The following PRKN variants were observed in gnomAD, a reference collection of about 807,000 sequenced individuals.
The protein encoded by PRKN is parkin RBR E3 ubiquitin protein ligase, also known as E3 ubiquitin-protein ligase parkin.
PRKN carries 56 observed loss-of-function variants against 59.5 expected under a neutral mutation model. That is an observed-to-expected ratio of 0.94 (90% CI 0.76 to 1.18). The LOEUF is 1.18. Among genes scored for constraint, PRKN ranks in the 50% most tolerant of loss-of-function variants. The probability of loss-of-function intolerance (pLI) is 0.00; values close to 1 mark genes in which losing one functional copy is unlikely to be tolerated. For missense variants in PRKN, 657 were observed against 596.4 expected (o/e 1.10, Z -1.06); for synonymous variants, 250 against 222.1 (o/e 1.13, Z -1.12).
chr6:162,283,576 C>G (rs1156482321), intron 2 of PRKN, among the ~76,000 whole-genome samples: 1 of 152,200 alleles, frequency 6.6e-6, no homozygotes, highest in Non-Finnish European at 1.5e-5. Flanking sequence ...GGCTGGAGTG[C>G]AGTAGCACGA....
chr6:161,622,999 T>A (rs1165674914), intron 7 of PRKN, among the ~76,000 whole-genome samples: 1 of 152,242 alleles, frequency 6.6e-6, no homozygotes, highest in Non-Finnish European at 1.5e-5. Flanking sequence ...TCTTTTCTTT[T>A]CCGCTTTTTC....
At position 161,547,641 on chromosome 6, in the gene PRKN, A is replaced by G. The variant is rs1353377918; in HGVS notation, c.1083+1213T>C. 6.6e-6 allele frequency among the ~76,000 whole-genome samples: 1 copy of G among 152,244 alleles called. No individual in the cohort carries two copies. Among genetic ancestry groups the G allele is most frequent in the Admixed American group, 6.5e-5 (1 of 15,290 alleles). On this transcript the variant is annotated intron_variant, in intron 9 of 11. Transcript: ENST00000366898. This position sits in a 1 kb window ranked among gnomAD's most constrained non-coding sequence, Gnocchi z 4.0. ...CAATTCATTAAAAGCTCATTTTAAA[A>G]GACAACATTTGCTAGCATTCTGATC...
At chr6:161,426,644 T>TACACACACACACACACACACACAC (rs546537464) in intron 9 of PRKN, among the ~76,000 whole-genome samples, 8 of 31,026 alleles carry the variant, frequency 2.6e-4, no homozygotes, top group African/African-American at 5.0e-4. Flanking sequence ...AACTCCCCTT[T>TACACACACACACACACACACACAC]ACACACACAC....
intron 7 of PRKN, among the ~76,000 whole-genome samples, chr6:161,601,983 A>G (rs988811893): frequency 1.3e-5 from 2 of 152,222 alleles, no homozygotes; most frequent in African/African-American, 4.8e-5. Context: ...GTATTTAAAT[A>G]TCAAAAGAAG....
At chr6:162,324,229 G>A (rs189263539) in intron 2 of PRKN, among the ~76,000 whole-genome samples, 2 of 152,216 alleles carry the variant, frequency 1.3e-5, no homozygotes, top group East Asian at 3.9e-4. Flanking sequence ...TATAGACAAT[G>A]CAAACTAATC....
At chr6:162,260,802 ATTTT>A (rs1217688250) in intron 3 of PRKN, among the ~76,000 whole-genome samples, 1 of 152,136 alleles carries the variant, frequency 6.6e-6, no homozygotes, top group Non-Finnish European at 1.5e-5. Flanking sequence ...AAACAATGTG[ATTTT>A]TTTATTTTTA....
intron 1 of PRKN, among the ~76,000 whole-genome samples, chr6:162,472,369 G>A (rs1791791340): frequency 8.0e-6 from 1 of 124,518 alleles, no homozygotes; most frequent in Non-Finnish European, 1.6e-5. Context: ...CCCACCCCAA[G>A]ACAGGTGTGA....
chr6:161,768,581 G>C (rs1789529000), intron 7 of PRKN, among the ~76,000 whole-genome samples: 1 of 152,062 alleles, frequency 6.6e-6, no homozygotes, highest in African/African-American at 2.4e-5. Context: ...ATTTAAAGGA[G>C]GATATAAAAA....
chr6:161,505,487 C>A (rs1778131482), intron 9 of PRKN, among the ~76,000 whole-genome samples: 1 of 151,842 alleles, frequency 6.6e-6, no homozygotes, highest in Non-Finnish European at 1.5e-5. Flanking sequence ...CCTGTTCACT[C>A]TGATGGTAGT....
intron 4 of PRKN, among the ~76,000 whole-genome samples, chr6:162,100,796 T>C (rs1779937067): frequency 6.6e-6 from 1 of 152,142 alleles, no homozygotes. Context: ...AATATCTCAT[T>C]GTGGTTTTAA....
At chr6:161,658,813 G>C (rs1400542121) in intron 7 of PRKN, among the ~76,000 whole-genome samples, 6 of 152,230 alleles carry the variant, frequency 3.9e-5, no homozygotes, top group African/African-American at 4.8e-5. Flanking sequence ...GCAAGGAGCT[G>C]TTATTACAAT....
chr6:162,187,843 G>A (rs750994614), intron 4 of PRKN, among the ~76,000 whole-genome samples: 2 of 152,128 alleles, frequency 1.3e-5, no homozygotes, highest in African/African-American at 4.8e-5. Flanking sequence ...CAGATACAGC[G>A]TGATGGGTTG....
At chr6:162,097,701 A>T (rs1779802398) in intron 4 of PRKN, among the ~76,000 whole-genome samples, 1 of 152,206 alleles carries the variant, frequency 6.6e-6, no homozygotes, top group Non-Finnish European at 1.5e-5. Flanking sequence ...CCCCCAAAGC[A>T]TCTTGTTTAT....
At chr6:162,044,199 C>T (rs1284282342) in intron 5 of PRKN, among the ~76,000 whole-genome samples, 1 of 152,244 alleles carries the variant, frequency 6.6e-6, no homozygotes, top group Non-Finnish European at 1.5e-5. Flanking sequence ...CACAACCATA[C>T]TACAGACTTC....
At chr6:162,723,770 AAC>A (rs2128241194) in intron 1 of PRKN, among the ~76,000 whole-genome samples, 1 of 152,368 alleles carries the variant, frequency 6.6e-6, no homozygotes, top group African/African-American at 2.4e-5. Flanking sequence ...CACTTCTGAC[AAC>A]AGTTGTCTGT....
intron 1 of PRKN, among the ~76,000 whole-genome samples, chr6:162,516,166 A>G (rs1455399886): frequency 6.6e-6 from 1 of 152,154 alleles, no homozygotes; most frequent in Non-Finnish European, 1.5e-5. Flanking sequence ...CTGATGACTG[A>G]ATTCATCTTT....
chr6:161,637,699 T>G (rs12199909), intron 7 of PRKN, among the ~76,000 whole-genome samples: 50,695 of 140,854 alleles, frequency 0.36, 8,830 homozygotes, highest in Middle Eastern at 0.52. Context: ...TAGACTCATT[T>G]GCCTTTTATC....
intron 2 of PRKN, among the ~76,000 whole-genome samples, chr6:162,354,821 A>G (rs1365982134): frequency 2.1e-4 from 32 of 152,062 alleles, no homozygotes; most frequent in Admixed American, 2.1e-3. Flanking sequence ...GAATAAGTTG[A>G]CGTATTAGCT....
chr6:161,716,957 T>C (rs1433642797), intron 7 of PRKN, among the ~76,000 whole-genome samples: 2 of 152,102 alleles, frequency 1.3e-5, no homozygotes, highest in African/African-American at 4.8e-5. Context: ...CACACTGAAG[T>C]GTGGGCTGGT....
Sources: gnomAD v4.1 joint callset for allele counts (sites outside exome capture counted in the v4.1 genomes callset) on GRCh38, gnomAD v4.1.1 for gene constraint, Gnocchi (gnomAD v3.1) non-coding constraint, MANE v1.5 for transcripts, NCBI Gene and HGNC (gene_info 2026-07-23, HGNC 2026-07-21) for gene names.